Variants in NFX1 observed in about 807,000 individuals in gnomAD.
NFX1 encodes the protein transcriptional repressor NF-X1.
NFX1 carries 69 observed loss-of-function variants against 137.2 expected under a neutral mutation model. That is an observed-to-expected ratio of 0.50 (90% confidence interval 0.41 to 0.61). The LOEUF (loss-of-function observed/expected upper bound fraction) is 0.61, where lower values mean the gene tolerates loss of function less well. Among genes scored for constraint, NFX1 ranks in the 20% least tolerant of loss-of-function variants. The probability of loss-of-function intolerance (pLI) is 0.00; values close to 1 mark genes in which losing one functional copy is unlikely to be tolerated. For synonymous variants in NFX1, 495 were observed against 474.1 expected (o/e 1.04, Z -0.57); for missense variants, 1,167 against 1,391.0 (o/e 0.84, Z 2.56).
chr9:33,352,105 G>A (rs1032307956), intron 16 of NFX1, among the ~76,000 whole-genome samples: 2 of 152,206 alleles, frequency 1.3e-5, no homozygotes, highest in Non-Finnish European at 1.5e-5. Context: ...GCAAGACATA[G>A]TATGAGGTGC....
intron 9 of NFX1, among the ~76,000 whole-genome samples, chr9:33,319,798 C>G (rs1021384548): frequency 6.6e-6 from 1 of 152,080 alleles, no homozygotes; most frequent in Non-Finnish European, 1.5e-5. Flanking sequence ...GTGTAAGCCA[C>G]TGTACCTGGC....
Position 33,351,796 on chromosome 9 carries a change from T to C in NFX1, c.2655+6T>C. ...TGACTGCTTGTAAAGCTAAGGTGGGTATTTCTGGCCACAGATGCAGCATTG... is the reference window on the plus strand; with the variant it reads ...TGACTGCTTGTAAAGCTAAGGTGGGCATTTCTGGCCACAGATGCAGCATTG... On this transcript the variant is annotated splice_donor_region_variant and intron_variant, in intron 16 of 23. Transcript: ENST00000379540. 1 of 1,562,780 alleles carries C rather than the reference T, an allele frequency of 6.4e-7. No individual in the cohort carries two copies. Among genetic ancestry groups the C allele is most frequent in the Non-Finnish European group, 8.7e-7 (1 of 1,155,830 alleles).
Position 33,364,716 on chromosome 9 carries a change from T to TAA in NFX1, c.2983_2984dup (p.Phe996SerfsTer17). Reference sequence around the variant, plus strand: ...GTGATTTCTCATTTCAGGAAGGACTTAAAGTTTGTCAGTGACGTTGAGAAG... The same window carrying TAA: ...GTGATTTCTCATTTCAGGAAGGACTTAAAAAGTTTGTCAGTGACGTTGAGAAG... On this transcript the variant is annotated frameshift_variant, in exon 21 of 24. Transcript: ENST00000379540. LOFTEE classifies it high-confidence loss of function. The TAA allele has an allele frequency of 5.6e-6, 9 of 1,613,522 alleles. No homozygotes were observed. Among genetic ancestry groups the TAA allele is most frequent in the Non-Finnish European group, 7.6e-6 (9 of 1,179,786 alleles).
intron 6 of NFX1, among the ~76,000 whole-genome samples, 172 bp downstream of exon 6, chr9:33,311,349 A>G (rs530611834): frequency 4.3e-4 from 65 of 152,322 alleles, no homozygotes; most frequent in African/African-American, 1.5e-3. Context: ...ACAGGAAGGA[A>G]AGGACAGAAG....
intron 7 of NFX1, among the ~76,000 whole-genome samples, chr9:33,317,426 AAAAAAAAAAG>A (rs965803158): frequency 3.3e-5 from 5 of 150,052 alleles, no homozygotes; most frequent in Admixed American, 2.0e-4. Context: ...CTCCAAAAAA[AAAAAAAAAAG>A]AAAGAAAGAA....
At chr9:33,332,873 T>A (rs1822858683) in intron 11 of NFX1, among the ~76,000 whole-genome samples, 1 of 152,166 alleles carries the variant, frequency 6.6e-6, no homozygotes. Context: ...TGAGACGGAG[T>A]CTCGCTCTGT....
intron 16 of NFX1, 78 bp from the exon 17 acceptor site, chr9:33,352,568 G>A: frequency 8.0e-7 from 1 of 1,242,278 alleles, no homozygotes; most frequent in Non-Finnish European, 1.2e-6. Flanking sequence ...TGGTTTAAGA[G>A]AGGATTTAAG....
chr9:33,300,272 C>T (rs1253431320), intron 2 of NFX1, among the ~76,000 whole-genome samples: 1 of 151,748 alleles, frequency 6.6e-6, no homozygotes, highest in Non-Finnish European at 1.5e-5. Context: ...ACCATGTTGG[C>T]CAGGATGGTC....
At chr9:33,324,247 C>T (rs1822495403) in intron 9 of NFX1, among the ~76,000 whole-genome samples, 1 of 152,060 alleles carries the variant, frequency 6.6e-6, no homozygotes. Flanking sequence ...GGTGTGGCGG[C>T]ACACGCCTGT....
chr9:33,318,841 A>T lies in NFX1; in HGVS notation c.1688+11A>T. On this transcript the variant is annotated intron_variant, in intron 8 of 23. Transcript: ENST00000379540. The stretch of plus-strand genomic sequence containing the variant: ...AAAGATATGTGGCAAGTAAGGTTTT[A>T]CGTTTTCTTCAGTTGAACTAAAGCT... The T allele has an allele frequency of 6.2e-7, 1 of 1,614,184 alleles. No homozygotes were observed. Among genetic ancestry groups the T allele is most frequent in the Non-Finnish European group, 8.5e-7 (1 of 1,180,008 alleles).
chr9:33,363,992 C>T lies in NFX1; in HGVS notation c.2874-18C>T, dbSNP rs759909124. ...CCCTCCCACTCCTTTTATTTGCATACCTCTCTCTCTCTTTCAGGAGATTAG... is the reference window on the plus strand; with the variant it reads ...CCCTCCCACTCCTTTTATTTGCATATCTCTCTCTCTCTTTCAGGAGATTAG... On this transcript the variant is annotated intron_variant, in intron 19 of 23. Coordinates refer to ENST00000379540, the MANE Select transcript of NFX1 (RefSeq NM_002504.6). 1 of 1,514,064 alleles carries T rather than the reference C, an allele frequency of 6.6e-7. No homozygotes were observed. Among genetic ancestry groups the T allele is most frequent in the East Asian group, 2.4e-5 (1 of 41,656 alleles). The allele number at this position is 1,514,064 out of a possible 1,614,324, so 93.8% of individuals were successfully genotyped here.
In NFX1 at chr9:33,351,655, C is replaced by G; in HGVS notation, c.2520C>G (p.Leu840=). 2.5e-6 allele frequency: 4 copies of G among 1,614,200 alleles called. No homozygotes were observed. Among genetic ancestry groups the G allele is most frequent in the Non-Finnish European group, 3.4e-6 (4 of 1,180,040 alleles). ...LPCGMHKCQR[L]CHKGECLVDE... The stretch of plus-strand genomic sequence containing the variant: ...GTGGGATGCACAAATGTCAGAGACT[C>G]TGTCACAAAGGGGAGTGTCTTGTGG... Residue 840 remains leucine (L), a synonymous_variant, in exon 16 of 24, where the codon CTC becomes CTG. Transcript: ENST00000379540.
chr9:33,326,594 C>T (rs1052476089), intron 9 of NFX1, among the ~76,000 whole-genome samples: 8 of 151,972 alleles, frequency 5.3e-5, no homozygotes, highest in African/African-American at 1.9e-4. Flanking sequence ...GTGGTATGTG[C>T]CTGTAGTCCC....
chr9:33,351,732 C>T lies in NFX1; in HGVS notation c.2597C>T (p.Pro866Leu), dbSNP rs145900391. The T allele has an allele frequency of 1.7e-4, 273 of 1,612,630 alleles. 2 individuals are homozygous for T. In the African/African-American group the frequency reaches 3.0e-3, roughly 18 times the overall value. The change falls in exon 16 of 24, where the codon CCG becomes CTG. Residue 866 changes from proline (P) to leucine (L), a missense_variant. Around this residue, in one of 3 missense-constraint regions of NFX1, gnomAD observed 488 missense variants for 691.5 expected, o/e 0.71. Transcript: ENST00000379540. ...ACCCCCAGAGCTGACTGTGGTCACCCGTGTATGGCACCCTGCCATACCAGC... is the reference window on the plus strand; with the variant it reads ...ACCCCCAGAGCTGACTGTGGTCACCTGTGTATGGCACCCTGCCATACCAGC... ...CTTPRADCGH[P>L]CMAPCHTSSP...
intron 1 of NFX1, among the ~76,000 whole-genome samples, chr9:33,293,776 A>G (rs2118153454): frequency 6.6e-6 from 1 of 152,366 alleles, no homozygotes; most frequent in African/African-American, 2.4e-5. Flanking sequence ...ATTGTAGACC[A>G]GATTATAGAG....
chr9:33,367,919 T>C (rs1021285286), intron 23 of NFX1, among the ~76,000 whole-genome samples: 5 of 152,108 alleles, frequency 3.3e-5, no homozygotes, highest in Non-Finnish European at 7.4e-5. Context: ...AGTTTAAGAC[T>C]GAAACATCGT....
intron 19 of NFX1, among the ~76,000 whole-genome samples, chr9:33,363,391 T>C (rs1310360644): frequency 1.3e-5 from 2 of 151,770 alleles, no homozygotes; most frequent in Non-Finnish European, 2.9e-5. Flanking sequence ...TTCAAGTGAT[T>C]CTCATGCCTC....
chr9:33,307,187 G>A lies in NFX1; in HGVS notation c.1271-7G>A, dbSNP rs747121753. ...TACCATTGACTCTCTGATCTGATAT[G>A]TTCTAGGCAAGGTAAAGAATCCTGA... On this transcript the variant is annotated splice_polypyrimidine_tract_variant and splice_region_variant and intron_variant, in intron 4 of 23. Coordinates refer to ENST00000379540, the MANE Select transcript of NFX1 (RefSeq NM_002504.6). 9.9e-6 allele frequency: 16 copies of A among 1,612,626 alleles called. No individual in the cohort carries two copies. The highest frequency in any genetic ancestry group is 1.6e-4 in the Middle Eastern group (1 of 6,074).
chr9:33,317,973 C>CAAAA (rs5897542), intron 7 of NFX1, among the ~76,000 whole-genome samples: 762 of 44,374 alleles, frequency 0.017, 152 homozygotes, highest in African/African-American at 0.082. Context: ...GACTCTGTCT[C>CAAAA]AAAAAAAAAA....
Sources: allele counts gnomAD v4.1 joint callset (sites outside exome capture counted in the v4.1 genomes callset), GRCh38; gene constraint gnomAD v4.1.1; regional missense constraint gnomAD v4.1.1; transcripts MANE v1.5; gene names NCBI Gene and HGNC (gene_info 2026-07-23, HGNC 2026-07-21).